The following SCN9A variants were observed in gnomAD, a reference collection of about 807,000 sequenced individuals.
SCN9A encodes the protein sodium voltage-gated channel alpha subunit 9.
SCN9A carries 131 observed loss-of-function variants against 187.0 expected under a neutral mutation model. The ratio of observed to expected loss-of-function variants is 0.70; its 90% CI spans 0.61 to 0.81. The LOEUF (loss-of-function observed/expected upper bound fraction) is 0.81. Among genes scored for constraint, SCN9A ranks in the 30% least tolerant of loss-of-function variants. SCN9A has a pLI of 0.00. For missense variants in SCN9A, 2,252 were observed against 2,396.6 expected (o/e 0.94, Z 1.26); for synonymous variants, 809 against 808.6 (o/e 1.00, Z -0.01).
chr2:166,272,027 G>C (rs914777851), intron 17 of SCN9A, among the ~76,000 whole-genome samples: 1 of 152,084 alleles, frequency 6.6e-6, no homozygotes, highest in Non-Finnish European at 1.5e-5. Flanking sequence ...GACTCTGCTT[G>C]AAATGGTTTA....
intron 12 of SCN9A, among the ~76,000 whole-genome samples, chr2:166,283,119 G>T (rs1405687767): frequency 6.6e-6 from 1 of 151,594 alleles, no homozygotes; most frequent in Non-Finnish European, 1.5e-5. Context: ...CTTAAATGAA[G>T]AAACTTCATT....
rs938689853 is a variant in SCN9A at position 166,196,919 on chromosome 2, C to T, written c.*1753G>A. 2 of 152,042 alleles carry T rather than the reference C, an allele frequency of 1.3e-5. No individual in the cohort carries two copies. Among genetic ancestry groups the T allele is most frequent in the African/African-American group, 2.4e-5 (1 of 41,420 alleles). 9.4% of individuals were successfully genotyped at this position (152,042 alleles called of 1,614,324 possible). On this transcript the variant is annotated 3_prime_UTR_variant, in exon 27 of 27. Transcript: ENST00000642356. Reference sequence around the variant, plus strand: ...ATAACGGATGTTGTAAAATATATCACAATTTAAAAACATTCTAGACTTCTG... The same window carrying T: ...ATAACGGATGTTGTAAAATATATCATAATTTAAAAACATTCTAGACTTCTG...
At chr2:166,245,452 G>A (rs114392153) in intron 18 of SCN9A, among the ~76,000 whole-genome samples, 2,267 of 151,594 alleles carry the variant, frequency 0.015, 34 homozygotes, top group South Asian at 0.028. Context: ...GGACCAAGAG[G>A]GTGCAGTAAA....
chr2:166,372,815 G>A (rs895078563), intron 1 of SCN9A, among the ~76,000 whole-genome samples: 6 of 151,796 alleles, frequency 4.0e-5, no homozygotes, highest in Non-Finnish European at 7.4e-5. Context: ...AAATATCTAC[G>A]AACCCCCTAC....
intron 16 of SCN9A, among the ~76,000 whole-genome samples, chr2:166,274,907 GA>G (rs1389241844): frequency 3.3e-5 from 5 of 152,144 alleles, no homozygotes; most frequent in African/African-American, 1.2e-4. Context: ...TTAAGTGTCA[GA>G]AGCATTTTAT....
intron 17 of SCN9A, among the ~76,000 whole-genome samples, chr2:166,263,472 G>A (rs868788522): frequency 2.7e-4 from 41 of 151,926 alleles, no homozygotes; most frequent in Middle Eastern, 3.4e-3. Flanking sequence ...TCCTGTTCAG[G>A]TTCACTGCCT....
intron 17 of SCN9A, among the ~76,000 whole-genome samples, chr2:166,257,143 G>C (rs1386811598): frequency 6.6e-6 from 1 of 151,612 alleles, no homozygotes; most frequent in Non-Finnish European, 1.5e-5. Flanking sequence ...TGTTTGCAGA[G>C]AAAGCAGCTG....
At chr2:166,329,454 C>A (rs915753404) in intron 1 of SCN9A, among the ~76,000 whole-genome samples, 1 of 151,476 alleles carries the variant, frequency 6.6e-6, no homozygotes, top group Non-Finnish European at 1.5e-5. Flanking sequence ...TTAAGGTATA[C>A]AACATGATGC....
rs1698738756 is a variant in SCN9A, at chr2:166,305,883, C to A, written c.505G>T (p.Val169Leu). Residue 169 changes from valine (V) to leucine (L), a missense_variant, in exon 5 of 27, where the codon GTA (valine) becomes TTA (leucine). Coordinates refer to ENST00000642356, the MANE Select transcript of SCN9A (RefSeq NM_001365536.1). ...FTGIYTFESL[V>L]KILARGFCVG... ...CAGAAGCCTCTTGCAAGGATTTTTA[C>A]AAGTGATTCAAAAGTATATATTCCA... 1.2e-6 allele frequency: 2 copies of A among 1,612,946 alleles called. No individual in the cohort carries two copies. The highest frequency in any genetic ancestry group is 1.7e-6 in the Non-Finnish European group (2 of 1,179,458).
chr2:166,351,740 A>G (rs1700037869), intron 1 of SCN9A, among the ~76,000 whole-genome samples: 1 of 152,222 alleles, frequency 6.6e-6, no homozygotes, highest in African/African-American at 2.4e-5. Flanking sequence ...AAGTGCCCAT[A>G]TGGCTAACTT....
rs140906227 is a variant in SCN9A at position 166,209,618 on chromosome 2, A to AAAC, written c.4399-5155_4399-5154insGTT. 7.3e-3 allele frequency among the ~76,000 whole-genome samples: 1,112 copies of AAAC among 151,860 alleles called. 14 individuals carry two copies. Among genetic ancestry groups the AAAC allele is most frequent in the South Asian group, 0.052 (252 of 4,814 alleles). ...GAGAAAGAATCAACAAACCAAGAAA[A>AAAC]AAACAACCCCATCAAAAACTGGGTA... On this transcript the variant is annotated intron_variant, in intron 24 of 26. Coordinates refer to ENST00000642356, the MANE Select transcript of SCN9A (RefSeq NM_001365536.1).
At chr2:166,215,922 A>G (rs946995579) in intron 24 of SCN9A, among the ~76,000 whole-genome samples, 1 of 152,042 alleles carries the variant, frequency 6.6e-6, no homozygotes, top group Non-Finnish European at 1.5e-5. Context: ...AAACCCTAAG[A>G]GTATGCTACC....
At chr2:166,372,708 C>T (rs532562751) in intron 1 of SCN9A, among the ~76,000 whole-genome samples, 147 of 152,088 alleles carry the variant, frequency 9.7e-4, no homozygotes, top group African/African-American at 3.4e-3. Flanking sequence ...ATACTAAATG[C>T]TTGACAAATA....
chr2:166,262,144 A>G (rs914320240), intron 17 of SCN9A, among the ~76,000 whole-genome samples: 5 of 151,958 alleles, frequency 3.3e-5, no homozygotes, highest in African/African-American at 9.7e-5. Context: ...GAATGAATGT[A>G]TCAGGCAGAA....
chr2:166,311,704 T>A lies in SCN9A; in HGVS notation c.53A>T (p.Gln18Leu), dbSNP rs1319079239. Reference sequence around the variant, plus strand: ...GCGTTGTTCAATGAGGGCAAGAGACTGTTTTGTGAAATGGACAAAGCTCTG... The same window carrying A: ...GCGTTGTTCAATGAGGGCAAGAGACAGTTTTGTGAAATGGACAAAGCTCTG... ...GPQSFVHFTK[Q>L]SLALIEQRIA... Residue 18 changes from glutamine to leucine, a missense_variant, in exon 2 of 27, where the codon CAG becomes CTG. By Grantham distance (113) the Gln-to-Leu change is moderately radical (BLOSUM62 -2). Around this residue, in one of 7 missense-constraint regions of SCN9A, gnomAD observed 1,013 missense variants for 997.4 expected, o/e 1.02. Coordinates refer to ENST00000642356, the MANE Select transcript of SCN9A (RefSeq NM_001365536.1). 1 of 1,612,692 alleles carries A rather than the reference T, an allele frequency of 6.2e-7. No individual in the cohort carries two copies. Among genetic ancestry groups the A allele is most frequent in the Admixed American group, 1.7e-5 (1 of 59,984 alleles).
chr2:166,302,059 T>C (rs989396780), intron 7 of SCN9A: 17 of 150,976 alleles, frequency 1.1e-4, no homozygotes, highest in Admixed American at 1.1e-3. Context: ...AAATGATGTA[T>C]ATTACTTTTT....
At chr2:166,265,393 A>G (rs1696688547) in intron 17 of SCN9A, among the ~76,000 whole-genome samples, 1 of 151,960 alleles carries the variant, frequency 6.6e-6, no homozygotes, top group South Asian at 2.1e-4. Flanking sequence ...ATTATTTCTT[A>G]TGGCTGAATG....
chr2:166,290,876 A>T (rs1698033459), intron 9 of SCN9A, among the ~76,000 whole-genome samples: 1 of 152,210 alleles, frequency 6.6e-6, no homozygotes, highest in Admixed American at 6.5e-5. Context: ...AATAAAATGC[A>T]ACATCCATTC....
intron 4 of SCN9A, among the ~76,000 whole-genome samples, chr2:166,306,295 C>G (rs978748094): frequency 6.6e-6 from 1 of 152,064 alleles, no homozygotes; most frequent in Non-Finnish European, 1.5e-5. Context: ...GAGCATCTGA[C>G]AAGTTCATTC....
Sources: allele counts gnomAD v4.1 joint callset (sites outside exome capture counted in the v4.1 genomes callset), GRCh38; gene constraint gnomAD v4.1.1; regional missense constraint gnomAD v4.1.1; transcripts MANE v1.5; gene names NCBI Gene and HGNC (gene_info 2026-07-23, HGNC 2026-07-21).